The following GRM7 variants were observed in gnomAD, a reference collection of about 807,000 sequenced individuals.
GRM7 encodes the protein glutamate metabotropic receptor 7.
In GRM7, 35 loss-of-function variants were observed where a neutral mutation model predicts 84.5. The ratio of observed to expected loss-of-function variants is 0.41; its 90% CI spans 0.32 to 0.55. GRM7 has a LOEUF of 0.55. Among genes scored for constraint, GRM7 ranks in the 20% least tolerant of loss-of-function variants. GRM7 has a pLI of 0.19. For synonymous variants in GRM7, 487 were observed against 455.1 expected (o/e 1.07, Z -0.89); for missense variants, 1,003 against 1,194.6 (o/e 0.84, Z 2.36).
intron 1 of GRM7, among the ~76,000 whole-genome samples, chr3:7,060,527 A>T (rs147621128): frequency 6.6e-6 from 1 of 151,750 alleles, no homozygotes; most frequent in African/African-American, 2.4e-5. Flanking sequence ...ACCAATCTAT[A>T]CAGTAGAAGG....
At chr3:6,903,071 A>G (rs984164958) in intron 1 of GRM7, among the ~76,000 whole-genome samples, 3 of 152,142 alleles carry the variant, frequency 2.0e-5, no homozygotes, top group African/African-American at 7.2e-5. Context: ...ATATATTTAT[A>G]ATGCTTATAA....
At chr3:7,431,536 T>C (rs1447001689) in intron 5 of GRM7, among the ~76,000 whole-genome samples, 1 of 152,206 alleles carries the variant, frequency 6.6e-6, no homozygotes, top group African/African-American at 2.4e-5. Context: ...TATTCACACA[T>C]TGGACTGAGA....
At chr3:7,689,356 A>T (rs1004822449) in intron 9 of GRM7, among the ~76,000 whole-genome samples, 2 of 152,188 alleles carry the variant, frequency 1.3e-5, no homozygotes, top group Non-Finnish European at 2.9e-5. Flanking sequence ...CCTCTTTAAC[A>T]TTCAATGTGT....
rs143716978 is a variant in GRM7, at chr3:7,203,490, C to T, written c.736+56822C>T. 3.9e-5 allele frequency among the ~76,000 whole-genome samples: 6 copies of T among 152,186 alleles called. No homozygotes were observed. The East Asian group carries it at 9.6e-4, about 24-fold the overall frequency. On this transcript the variant is annotated intron_variant, in intron 2 of 9. Coordinates refer to ENST00000357716, the MANE Select transcript of GRM7 (RefSeq NM_000844.4). ...TATCTCATATTTTCTTTATCTTTCA[C>T]CCATTGATGGGCTCTTAGGTTGATT...
Position 7,147,398 on chromosome 3 carries a change from C to T in GRM7, c.736+730C>T, listed in dbSNP as rs1250210054. ...ATGGATGTATTGGATATGGTAAATA[C>T]ATACCAATATGCATGCTTAGATATT... On this transcript the variant is annotated intron_variant, in intron 2 of 9. Coordinates refer to ENST00000357716, the MANE Select transcript of GRM7 (RefSeq NM_000844.4). 5.3e-5 allele frequency among the ~76,000 whole-genome samples: 8 copies of T among 152,094 alleles called. No homozygotes were observed. The East Asian group carries it at 9.6e-4, about 18-fold the overall frequency.
chr3:7,225,770 G>A (rs1174641452), intron 2 of GRM7, among the ~76,000 whole-genome samples: 1 of 151,882 alleles, frequency 6.6e-6, no homozygotes, highest in Non-Finnish European at 1.5e-5. Context: ...TCAATTACAA[G>A]TTAGTAATGT....
chr3:7,580,211 T>C (rs1695179856), intron 8 of GRM7, among the ~76,000 whole-genome samples: 1 of 152,218 alleles, frequency 6.6e-6, no homozygotes, highest in African/African-American at 2.4e-5. Context: ...TCATGTAATA[T>C]CAACCCTAAT....
chr3:7,683,427 A>AT (rs1179820796), intron 9 of GRM7, among the ~76,000 whole-genome samples: 1 of 152,192 alleles, frequency 6.6e-6, no homozygotes, highest in Non-Finnish European at 1.5e-5. Flanking sequence ...AGCTGGAAAG[A>AT]TTTTTTTAAA....
At chr3:6,938,326 C>A (rs1266238865) in intron 1 of GRM7, among the ~76,000 whole-genome samples, 1 of 152,126 alleles carries the variant, frequency 6.6e-6, no homozygotes, top group African/African-American at 2.4e-5. Flanking sequence ...TCATATTCTA[C>A]CATGTGGCTT....
chr3:7,291,071 C>T (rs1401633063), intron 2 of GRM7, among the ~76,000 whole-genome samples: 1 of 152,086 alleles, frequency 6.6e-6, no homozygotes, highest in Non-Finnish European at 1.5e-5. Flanking sequence ...GCCAGCCACA[C>T]CCTCTTCCCA....
intron 1 of GRM7, among the ~76,000 whole-genome samples, chr3:6,892,365 A>G (rs914299328): frequency 7.2e-5 from 11 of 151,976 alleles, no homozygotes; most frequent in Admixed American, 5.9e-4. Context: ...CATACACTTA[A>G]TTTTGCATGA....
intron 8 of GRM7, among the ~76,000 whole-genome samples, chr3:7,675,369 C>A (rs1700081900): frequency 1.3e-5 from 2 of 152,114 alleles, no homozygotes; most frequent in South Asian, 4.1e-4. Flanking sequence ...ATTTTGAAAC[C>A]TACACAGGAG....
chr3:7,028,868 T>G (rs1696078111), intron 1 of GRM7, among the ~76,000 whole-genome samples: 1 of 152,188 alleles, frequency 6.6e-6, no homozygotes, highest in South Asian at 2.1e-4. Context: ...ATACAATCAC[T>G]TTAGAAAACA....
intron 4 of GRM7, among the ~76,000 whole-genome samples, chr3:7,345,375 T>C (rs1483735207): frequency 6.6e-6 from 1 of 151,944 alleles, no homozygotes; most frequent in Non-Finnish European, 1.5e-5. Flanking sequence ...CCTGGGTGTT[T>C]AAGTAATTCT....
intron 1 of GRM7, among the ~76,000 whole-genome samples, chr3:7,130,316 G>T (rs977540577): frequency 6.6e-6 from 1 of 152,082 alleles, no homozygotes; most frequent in African/African-American, 2.4e-5. Context: ...GACCGAGGTG[G>T]GCGAATCACG....
chr3:7,259,710 C>A (rs763715138), intron 2 of GRM7, among the ~76,000 whole-genome samples: 1 of 152,120 alleles, frequency 6.6e-6, no homozygotes, highest in Non-Finnish European at 1.5e-5. Context: ...TAAGTTGATT[C>A]CATGTCTTTG....
chr3:7,371,640 T>C (rs944545775), intron 4 of GRM7, among the ~76,000 whole-genome samples: 4 of 152,140 alleles, frequency 2.6e-5, no homozygotes, highest in African/African-American at 9.7e-5. Flanking sequence ...GTTCTGTGAA[T>C]AAGCACTTTG....
At chr3:6,866,775 C>T (rs1395838195) in intron 1 of GRM7, among the ~76,000 whole-genome samples, 1 of 152,170 alleles carries the variant, frequency 6.6e-6, no homozygotes, top group Non-Finnish European at 1.5e-5. Context: ...TGACATCCTG[C>T]CTATCTTCCT....
chr3:7,461,734 T>C lies in GRM7; in HGVS notation c.1515+12T>C, dbSNP rs1056299074. The C allele has an allele frequency of 6.2e-7, 1 of 1,611,896 alleles. No individual in the cohort carries two copies. The highest frequency in any genetic ancestry group is 1.3e-5 in the African/African-American group (1 of 74,838). ...AACTTCAGCTCAATGTGAGTTCTGCTTGCTTCTCTTCTTCCCTTGTTGAGA... is the reference window on the plus strand; with the variant it reads ...AACTTCAGCTCAATGTGAGTTCTGCCTGCTTCTCTTCTTCCCTTGTTGAGA... On this transcript the variant is annotated intron_variant, in intron 7 of 9. Coordinates refer to ENST00000357716, the MANE Select transcript of GRM7 (RefSeq NM_000844.4).
Sources: gnomAD v4.1 joint callset for allele counts (sites outside exome capture counted in the v4.1 genomes callset) on GRCh38, gnomAD v4.1.1 for gene constraint, MANE v1.5 for transcripts, NCBI Gene and HGNC (gene_info 2026-07-23, HGNC 2026-07-21) for gene names.